The following DNAJC1 variants were observed in gnomAD, a reference collection of about 807,000 sequenced individuals.
The protein encoded by DNAJC1 is dnaJ homolog subfamily C member 1.
DNAJC1 carries 58 observed loss-of-function variants against 76.6 expected under a neutral mutation model. The observed-to-expected ratio is 0.76, with a 90% CI of 0.61 to 0.94. The LOEUF is 0.94. DNAJC1 is among the 40% of genes least tolerant of loss of function. The pLI is 0.00. For synonymous variants in DNAJC1, 258 were observed against 267.9 expected (o/e 0.96, Z 0.36); for missense variants, 689 against 677.3 (o/e 1.02, Z -0.19).
intron 6 of DNAJC1, among the ~76,000 whole-genome samples, chr10:21,918,509 T>C (rs1836989892): frequency 6.6e-6 from 1 of 151,866 alleles, no homozygotes; most frequent in South Asian, 2.1e-4. Context: ...ATTGCTTTTA[T>C]CTCTGTACTA....
At chr10:21,997,504 G>C (rs1838437680) in intron 1 of DNAJC1, among the ~76,000 whole-genome samples, 1 of 152,152 alleles carries the variant, frequency 6.6e-6, no homozygotes, top group African/African-American at 2.4e-5. Flanking sequence ...CTTTCTGACT[G>C]ATCAGCTCTT....
At chr10:21,946,787 C>T (rs187043226) in intron 1 of DNAJC1, among the ~76,000 whole-genome samples, 12 of 152,282 alleles carry the variant, frequency 7.9e-5, no homozygotes, top group Admixed American at 6.5e-4. Flanking sequence ...AAAGTAGTAT[C>T]TATCAATAAA....
chr10:21,813,723 T>C (rs1205281291), intron 8 of DNAJC1, among the ~76,000 whole-genome samples: 2 of 152,190 alleles, frequency 1.3e-5, no homozygotes, highest in African/African-American at 2.4e-5. Context: ...ATAGTGAAGA[T>C]ATTGCCTCCT....
At chr10:21,891,467 CA>C (rs1325247851) in intron 7 of DNAJC1, among the ~76,000 whole-genome samples, 4 of 10,470 alleles carry the variant, frequency 3.8e-4, no homozygotes, top group Admixed American at 3.3e-3. Flanking sequence ...ATCTGAAAAA[CA>C]AAGTAGACAA....
intron 8 of DNAJC1, among the ~76,000 whole-genome samples, chr10:21,807,541 T>G (rs1210069296): frequency 2.0e-5 from 3 of 152,246 alleles, no homozygotes; most frequent in African/African-American, 7.2e-5. Flanking sequence ...CTCTCCCATT[T>G]GCATTCATTT....
intron 6 of DNAJC1, among the ~76,000 whole-genome samples, chr10:21,915,749 G>A (rs979393906): frequency 6.6e-6 from 1 of 151,132 alleles, no homozygotes; most frequent in African/African-American, 2.4e-5. Flanking sequence ...AATAAGAATT[G>A]TTTCTATGAA....
intron 3 of DNAJC1, among the ~76,000 whole-genome samples, chr10:21,924,030 A>C (rs1175626464): frequency 6.6e-6 from 1 of 152,082 alleles, no homozygotes; most frequent in African/African-American, 2.4e-5. Flanking sequence ...GTTTAAAACA[A>C]TAATAACATA....
intron 8 of DNAJC1, among the ~76,000 whole-genome samples, chr10:21,856,208 T>G (rs1366137528): frequency 6.6e-6 from 1 of 152,202 alleles, no homozygotes; most frequent in Non-Finnish European, 1.5e-5. Context: ...AGTCTACTCA[T>G]ACCAGCTCAT....
intron 7 of DNAJC1, among the ~76,000 whole-genome samples, chr10:21,891,779 C>T (rs894035807): frequency 3.3e-5 from 5 of 152,078 alleles, no homozygotes; most frequent in East Asian, 3.8e-4. Flanking sequence ...TAAAATAATT[C>T]GTCACCAGTG....
intron 9 of DNAJC1, among the ~76,000 whole-genome samples, chr10:21,801,439 T>C (rs958225700): frequency 1.3e-5 from 2 of 152,080 alleles, no homozygotes; most frequent in African/African-American, 4.8e-5. Flanking sequence ...TGAGATACCA[T>C]CTCACACCAG....
chr10:21,815,618 T>C (rs1467677182), intron 8 of DNAJC1, among the ~76,000 whole-genome samples: 1 of 152,210 alleles, frequency 6.6e-6, no homozygotes, highest in African/African-American at 2.4e-5. Context: ...AATGGTGTCT[T>C]TTGAAGAGCA....
chr10:21,892,014 T>C (rs951745570), intron 7 of DNAJC1, among the ~76,000 whole-genome samples: 1 of 151,982 alleles, frequency 6.6e-6, no homozygotes, highest in African/African-American at 2.4e-5. Flanking sequence ...AATGATACTA[T>C]AAATAAAGAA....
At chr10:21,988,774 T>A (rs1035467543) in intron 1 of DNAJC1, among the ~76,000 whole-genome samples, 2 of 152,160 alleles carry the variant, frequency 1.3e-5, no homozygotes, top group Non-Finnish European at 2.9e-5. Context: ...TGAAATATAT[T>A]TATAAAGGGT....
At chr10:21,873,221 C>T (rs182453762) in intron 8 of DNAJC1, among the ~76,000 whole-genome samples, 137 of 152,194 alleles carry the variant, frequency 9.0e-4, no homozygotes, top group African/African-American at 2.7e-3. Flanking sequence ...GACGTGAGCC[C>T]GCCAATGCTC....
chr10:21,909,968 A>T (rs534081777), intron 6 of DNAJC1, among the ~76,000 whole-genome samples: 5 of 152,346 alleles, frequency 3.3e-5, no homozygotes, highest in African/African-American at 1.2e-4. Context: ...TAAATGCTGT[A>T]AAGTTAGTAT....
chr10:21,820,510 G>C (rs1377722076), intron 8 of DNAJC1, among the ~76,000 whole-genome samples: 1 of 152,210 alleles, frequency 6.6e-6, no homozygotes, highest in Admixed American at 6.5e-5. Context: ...AAAGGCTTCT[G>C]TGACCCACAA....
At chr10:21,893,375 C>T (rs184020825) in intron 7 of DNAJC1, among the ~76,000 whole-genome samples, 3 of 152,056 alleles carry the variant, frequency 2.0e-5, no homozygotes, top group Non-Finnish European at 2.9e-5. Flanking sequence ...AGCTGTAATT[C>T]GAGCACTTTG....
intron 4 of DNAJC1, among the ~76,000 whole-genome samples, chr10:21,920,164 CAA>C (rs1428628240): frequency 6.6e-6 from 1 of 151,992 alleles, no homozygotes; most frequent in East Asian, 1.9e-4. Context: ...CCATAGCAAT[CAA>C]AGTTTTCTAA....
chr10:21,956,819 AACACACACAC>A (rs3051926), intron 1 of DNAJC1, among the ~76,000 whole-genome samples: 29 of 142,154 alleles, frequency 2.0e-4, no homozygotes, highest in African/African-American at 5.2e-4. Flanking sequence ...GTTTATACAT[AACACACACAC>A]ACACACACAC....
Sources: allele counts gnomAD v4.1 joint callset (sites outside exome capture counted in the v4.1 genomes callset), GRCh38; gene constraint gnomAD v4.1.1; transcripts MANE v1.5; gene names NCBI Gene and HGNC (gene_info 2026-07-23, HGNC 2026-07-21).